Variants in PDLIM5 observed in about 807,000 individuals in gnomAD.
PDLIM5 encodes PDZ and LIM domain protein 5.
PDLIM5 carries 34 observed loss-of-function variants against 64.2 expected under a neutral mutation model. The observed-to-expected ratio is 0.53, with a 90% confidence interval of 0.40 to 0.71. The LOEUF (loss-of-function observed/expected upper bound fraction) is 0.71, where lower values mean the gene tolerates loss of function less well. Ranked by LOEUF, PDLIM5 falls within the 30% of genes least tolerant of loss-of-function variation. The probability of loss-of-function intolerance (pLI) is 0.00; values close to 1 mark genes in which losing one functional copy is unlikely to be tolerated. For synonymous variants in PDLIM5, 253 were observed against 269.1 expected (o/e 0.94, Z 0.59); for missense variants, 683 against 733.6 (o/e 0.93, Z 0.80).
At chr4:94,487,457 A>T (rs115616390) in intron 2 of PDLIM5, among the ~76,000 whole-genome samples, 230 of 152,344 alleles carry the variant, frequency 1.5e-3, no homozygotes, top group African/African-American at 5.2e-3. Context: ...AAAACCTGGC[A>T]TCCAGATATG....
At chr4:94,642,495 T>C (rs1472070310) in intron 9 of PDLIM5, among the ~76,000 whole-genome samples, 1 of 152,220 alleles carries the variant, frequency 6.6e-6, no homozygotes, top group Non-Finnish European at 1.5e-5. Flanking sequence ...ATATGTATTA[T>C]GCTAACATGA....
chr4:94,650,588 C>T (rs1226305689), intron 9 of PDLIM5, among the ~76,000 whole-genome samples: 2 of 151,942 alleles, frequency 1.3e-5, no homozygotes, highest in Admixed American at 6.6e-5. Flanking sequence ...ATTTCTCTGA[C>T]GTTTTCTTCA....
intron 2 of PDLIM5, among the ~76,000 whole-genome samples, chr4:94,506,246 G>T (rs1372853878): frequency 6.6e-6 from 1 of 152,184 alleles, no homozygotes; most frequent in Non-Finnish European, 1.5e-5. Context: ...TTCCTAGTAT[G>T]ATATAATTTA....
At position 94,614,053 on chromosome 4, in the gene PDLIM5, C is replaced by A. The variant is rs558410063; in HGVS notation, c.921-3951C>A. Among the ~76,000 whole-genome samples, 4 of 150,442 alleles carry A rather than the reference C, an allele frequency of 2.7e-5. No individual in the cohort carries two copies. The East Asian group carries it at 7.8e-4, about 29-fold the overall frequency. Reference sequence around the variant, plus strand: ...TCTCAGTTCACTGCAACCTCCGCCTCGCGGGTTCAAGTGATTCTCCTGCCT... The same window carrying A: ...TCTCAGTTCACTGCAACCTCCGCCTAGCGGGTTCAAGTGATTCTCCTGCCT... On this transcript the variant is annotated intron_variant, in intron 7 of 12. Coordinates refer to ENST00000317968, the MANE Select transcript of PDLIM5 (RefSeq NM_006457.5).
chr4:94,611,001 C>G lies in PDLIM5; in HGVS notation c.921-7003C>G, dbSNP rs1035822340. The G allele has an allele frequency of 2.5e-6, 3 of 1,208,478 alleles. No individual in the cohort carries two copies. In the African/African-American group the frequency reaches 4.5e-5, roughly 18 times the overall value. The allele number at this position is 1,208,478 out of a possible 1,614,324, so 74.9% of individuals were successfully genotyped here. Reference sequence around the variant, plus strand: ...AAAGGAAATGTTTCAAATCACAGACCTTAAGAACTACTGTCTGCTATTGGT... The same window carrying G: ...AAAGGAAATGTTTCAAATCACAGACGTTAAGAACTACTGTCTGCTATTGGT... On this transcript the variant is annotated intron_variant, in intron 7 of 12. Coordinates refer to ENST00000317968, the MANE Select transcript of PDLIM5 (RefSeq NM_006457.5).
intron 7 of PDLIM5, among the ~76,000 whole-genome samples, chr4:94,602,454 C>T (rs1335762651): frequency 6.6e-6 from 1 of 152,116 alleles, no homozygotes. Context: ...TACCATCCTG[C>T]AGCCTGGTTT....
At chr4:94,570,961 T>C (rs1734757337) in intron 3 of PDLIM5, among the ~76,000 whole-genome samples, 1 of 152,206 alleles carries the variant, frequency 6.6e-6, no homozygotes, top group African/African-American at 2.4e-5. Context: ...AGTTCTATTG[T>C]CTAGTTCCTC....
intron 12 of PDLIM5, 142 bp from the exon 13 acceptor site, chr4:94,663,836 G>C: frequency 1.6e-6 from 1 of 621,002 alleles, no homozygotes; most frequent in Non-Finnish European, 2.5e-6. Context: ...TCAAATATTA[G>C]GGAGTCTAAC....
At chr4:94,571,581 C>G (rs1003168912) in intron 3 of PDLIM5, among the ~76,000 whole-genome samples, 1 of 152,120 alleles carries the variant, frequency 6.6e-6, no homozygotes, top group Admixed American at 6.6e-5. Context: ...CACTGCAGTT[C>G]AAAGGGGATC....
intron 11 of PDLIM5, 37 bp downstream of exon 11, chr4:94,657,584 A>G (rs772479889): frequency 6.5e-7 from 1 of 1,534,494 alleles, no homozygotes; most frequent in Non-Finnish European, 9.0e-7. Flanking sequence ...TGAATTTTGA[A>G]TAAAGGTAAA....
intron 10 of PDLIM5, among the ~76,000 whole-genome samples, chr4:94,654,959 G>A (rs772830140): frequency 3.3e-5 from 5 of 152,064 alleles, no homozygotes; most frequent in South Asian, 2.1e-4. Flanking sequence ...TGAAGAGGTC[G>A]CATAGGACCA....
At chr4:94,561,489 T>C (rs1733839702) in intron 3 of PDLIM5, among the ~76,000 whole-genome samples, 1 of 152,254 alleles carries the variant, frequency 6.6e-6, no homozygotes, top group Non-Finnish European at 1.5e-5. Flanking sequence ...GCTAGAGTTA[T>C]ATGCGTGCTT....
intron 5 of PDLIM5, among the ~76,000 whole-genome samples, chr4:94,581,613 T>C (rs1168155274): frequency 2.6e-5 from 4 of 152,172 alleles, no homozygotes; most frequent in East Asian, 1.9e-4. Flanking sequence ...GATTTTGACA[T>C]GTGGAAATAT....
rs1722884568 is a variant in PDLIM5 at position 94,452,003 on chromosome 4, G to A, written c.-43+8G>A. ...CGCCGCGCCGGACCCGAGGTGAGTG[G>A]CGGCCGGCCGGCGATGCGCCTCTCG... On this transcript the variant is annotated splice_region_variant and intron_variant, in intron 1 of 12. Transcript: ENST00000317968. 6.6e-6 allele frequency: 1 copy of A among 152,292 alleles called. No homozygotes were observed. The highest frequency in any genetic ancestry group is 1.9e-4 in the East Asian group (1 of 5,178). 9.4% of individuals were successfully genotyped at this position (152,292 alleles called of 1,614,324 possible).
chr4:94,625,175 A>G (rs535833385), intron 8 of PDLIM5, among the ~76,000 whole-genome samples: 3 of 152,304 alleles, frequency 2.0e-5, no homozygotes, highest in South Asian at 2.1e-4. Flanking sequence ...TAGAGTACCT[A>G]TGTATCCTCT....
chr4:94,595,438 A>G (rs1320117090), intron 7 of PDLIM5, among the ~76,000 whole-genome samples: 5 of 152,250 alleles, frequency 3.3e-5, no homozygotes, highest in African/African-American at 9.6e-5. Flanking sequence ...CTTGTAGGCT[A>G]TCTTCTAGCA....
At chr4:94,458,725 T>G (rs1723599145) in intron 2 of PDLIM5, among the ~76,000 whole-genome samples, 1 of 152,216 alleles carries the variant, frequency 6.6e-6, no homozygotes, top group South Asian at 2.1e-4. Flanking sequence ...TCCATTTTCT[T>G]TAGATTTTGT....
At chr4:94,621,379 A>ATGTATGATGATGAAGATTT (rs1739230068) in intron 8 of PDLIM5, among the ~76,000 whole-genome samples, 2 of 152,174 alleles carry the variant, frequency 1.3e-5, no homozygotes, top group Admixed American at 1.3e-4. Context: ...TTTAAAGCCT[A>ATGTATGATGATGAAGATTT]TGTATGATGA....
chr4:94,587,074 G>T (rs752405931), intron 7 of PDLIM5: 29 of 1,602,936 alleles, frequency 1.8e-5, no homozygotes, highest in Non-Finnish European at 2.4e-5. Context: ...TGCTCTTAAC[G>T]TACAGTGATT....
Sources: allele counts gnomAD v4.1 joint callset (sites outside exome capture counted in the v4.1 genomes callset), GRCh38; gene constraint gnomAD v4.1.1; transcripts MANE v1.5; gene names NCBI Gene and HGNC (gene_info 2026-07-23, HGNC 2026-07-21).